KCNC2: variants seen among roughly 807,000 people sequenced by gnomAD.
The protein encoded by KCNC2 is potassium voltage-gated channel subfamily C member 2, also known as voltage-gated potassium channel KCNC2.
Under a neutral mutation model 44.5 loss-of-function variants are expected in KCNC2, and 21 were observed. The observed-to-expected ratio is 0.47, with a 90% CI of 0.33 to 0.68. The LOEUF (loss-of-function observed/expected upper bound fraction) is 0.68. KCNC2 is among the 30% of genes least tolerant of loss of function. The pLI is 0.01. For synonymous variants in KCNC2, 391 were observed against 339.1 expected (o/e 1.15, Z -1.68); for missense variants, 589 against 826.2 (o/e 0.71, Z 3.52).
At chr12:75,098,136 C>A (rs1886085955) in intron 2 of KCNC2, among the ~76,000 whole-genome samples, 1 of 151,920 alleles carries the variant, frequency 6.6e-6, no homozygotes. Flanking sequence ...AGATGCTGTT[C>A]TCGGCTAGAT....
rs1357831006 is a variant in KCNC2, at chr12:75,040,421, C to T, written c.*2684G>A. On this transcript the variant is annotated 3_prime_UTR_variant, in exon 5 of 5. Transcript: ENST00000549446. ...GAATATCTCTTTTATGCAAAATATA[C>T]ATTTTAGGATATAATTTAATTGATA... is the stretch of plus-strand genomic sequence containing the variant. 2 of 152,316 alleles carry T rather than the reference C, an allele frequency of 1.3e-5. No individual in the cohort carries two copies. The highest frequency in any genetic ancestry group is 2.9e-5 in the Non-Finnish European group (2 of 67,950). 9.4% of individuals were successfully genotyped at this position (152,316 alleles called of 1,614,324 possible).
At chr12:75,107,865 C>T (rs377332859) in intron 2 of KCNC2, among the ~76,000 whole-genome samples, 1 of 152,164 alleles carries the variant, frequency 6.6e-6, no homozygotes, top group Admixed American at 6.5e-5. Flanking sequence ...TCCAGACACT[C>T]TTACTTTCTG....
chr12:75,111,928 C>G lies in KCNC2; in HGVS notation c.688-60611G>C, dbSNP rs1887280987. ...AAATTCAATAATTTTTAAATATTCT[C>G]ATTGATTAAGAAAAGATATTCTATT... On this transcript the variant is annotated intron_variant, in intron 2 of 4. Transcript: ENST00000549446. Among the ~76,000 whole-genome samples the G allele has an allele frequency of 1.3e-5, 2 of 151,794 alleles. 1 individual carries two copies. Among genetic ancestry groups the G allele is most frequent in the South Asian group, 4.1e-4 (2 of 4,830 alleles).
intron 2 of KCNC2, among the ~76,000 whole-genome samples, chr12:75,084,309 T>TAGAC (rs1302076204): frequency 1.4e-5 from 2 of 146,236 alleles, no homozygotes; most frequent in African/African-American, 2.8e-5. Flanking sequence ...GATAGATAGA[T>TAGAC]AGATAGATAG....
At chr12:75,067,848 C>T (rs1259167350) in intron 2 of KCNC2, among the ~76,000 whole-genome samples, 2 of 151,920 alleles carry the variant, frequency 1.3e-5, no homozygotes, top group African/African-American at 4.8e-5. Context: ...TCTATTCCCC[C>T]ACTCCTTACA....
chr12:75,042,799 C>T lies in KCNC2; in HGVS notation c.*306G>A. The T allele has an allele frequency of 8.4e-7, 1 of 1,184,168 alleles. No individual in the cohort carries two copies. Among genetic ancestry groups the T allele is most frequent in the Non-Finnish European group, 1.0e-6 (1 of 955,624 alleles). 73.4% of individuals were successfully genotyped at this position (1,184,168 alleles called of 1,614,324 possible). ...GAAGCACACTGTTTTAAATATATCT[C>T]CCTGAAGGTATGTTTATATATTAGT... is the stretch of plus-strand genomic sequence containing the variant. On this transcript the variant is annotated 3_prime_UTR_variant, in exon 5 of 5. Coordinates refer to ENST00000549446, the MANE Select transcript of KCNC2 (RefSeq NM_139137.4).
At position 75,207,380 on chromosome 12, in the gene KCNC2, C is replaced by A; in HGVS notation, c.604G>T (p.Asp202Tyr). The change falls in exon 2 of 5, where the codon GAC becomes TAC. Residue 202 changes from aspartate to tyrosine, a missense_variant. This residue lies in a region of KCNC2 where 97 missense variants were observed against 73.3 expected (regional missense o/e 1.32). Transcript: ENST00000549446. The surrounding 1 kb of genome is among the most constrained non-coding windows in gnomAD (Gnocchi z 4.1). Reference protein sequence around the residue: ...IEDAAGLGGPDGKSGRWRRLQ... With the variant: ...IEDAAGLGGPYGKSGRWRRLQ... ...CTCCTCCAGCGGCCAGATTTGCCGT[C>A]GGGGCCCCCGAGCCCCGCCGCGTCC... 6.3e-7 allele frequency: 1 copy of A among 1,578,754 alleles called. No individual in the cohort carries two copies.
intron 1 of KCNC2, among the ~76,000 whole-genome samples, chr12:75,208,242 A>T (rs1332456800): frequency 6.6e-6 from 1 of 151,854 alleles, no homozygotes; most frequent in Non-Finnish European, 1.5e-5. Context: ...ACCTTTCATG[A>T]CACCGTTTTC....
At chr12:75,147,826 T>A (rs933854006) in intron 2 of KCNC2, among the ~76,000 whole-genome samples, 1 of 152,106 alleles carries the variant, frequency 6.6e-6, no homozygotes, top group Non-Finnish European at 1.5e-5. Context: ...TTCAGATATC[T>A]AAGGTACACA....
intron 2 of KCNC2, among the ~76,000 whole-genome samples, chr12:75,166,124 A>G (rs1196180076): frequency 1.3e-5 from 2 of 151,354 alleles, no homozygotes; most frequent in African/African-American, 2.4e-5. Flanking sequence ...TATGAATATC[A>G]GGCAAAATAG....
At chr12:75,161,468 T>C (rs1891120402) in intron 2 of KCNC2, among the ~76,000 whole-genome samples, 1 of 151,756 alleles carries the variant, frequency 6.6e-6, no homozygotes, top group African/African-American at 2.4e-5. Flanking sequence ...GAATTCACTT[T>C]ACCCAGCACC....
chr12:75,138,420 T>C (rs1338874680), intron 2 of KCNC2, among the ~76,000 whole-genome samples: 1 of 152,194 alleles, frequency 6.6e-6, no homozygotes, highest in Non-Finnish European at 1.5e-5. Flanking sequence ...AGACTACCTG[T>C]TTTCAGAATC....
At chr12:75,165,641 G>T (rs956126830) in intron 2 of KCNC2, among the ~76,000 whole-genome samples, 11 of 151,398 alleles carry the variant, frequency 7.3e-5, no homozygotes, top group African/African-American at 2.7e-4. Flanking sequence ...TCAAGATAAT[G>T]TTAAGTGTTA....
At chr12:75,196,585 C>G (rs1255117270) in intron 2 of KCNC2, among the ~76,000 whole-genome samples, 1 of 152,068 alleles carries the variant, frequency 6.6e-6, no homozygotes, top group Non-Finnish European at 1.5e-5. Flanking sequence ...GAGTCAGACA[C>G]TATTATTTTC....
At chr12:75,055,451 C>G (rs1565814517) in intron 2 of KCNC2, among the ~76,000 whole-genome samples, 1 of 152,020 alleles carries the variant, frequency 6.6e-6, no homozygotes, top group Non-Finnish European at 1.5e-5. Flanking sequence ...GGAAGAGAAT[C>G]ACACTGCCAT....
Position 75,041,230 on chromosome 12 carries a change from A to G in KCNC2, c.*1875T>C. The G allele has an allele frequency of 6.3e-7, 1 of 1,594,602 alleles. No individual in the cohort carries two copies. Among genetic ancestry groups the G allele is most frequent in the South Asian group, 1.1e-5 (1 of 90,914 alleles). On this transcript the variant is annotated 3_prime_UTR_variant, in exon 5 of 5. Coordinates refer to ENST00000549446, the MANE Select transcript of KCNC2 (RefSeq NM_139137.4). ...CACTGTAGTCAATAACAGCAGCACC[A>G]GACAGCATATTAATTCTTTTACCAT...
intron 4 of KCNC2, among the ~76,000 whole-genome samples, chr12:75,045,118 T>C (rs894526315): frequency 2.6e-5 from 4 of 151,968 alleles, no homozygotes; most frequent in Admixed American, 1.3e-4. Flanking sequence ...AACTAGACGA[T>C]AAACATTGAT....
At chr12:75,198,783 G>T (rs1176558270) in intron 2 of KCNC2, among the ~76,000 whole-genome samples, 1 of 151,650 alleles carries the variant, frequency 6.6e-6, no homozygotes, top group Admixed American at 6.6e-5. Flanking sequence ...TCTATAATTT[G>T]CAAGCATAGA....
intron 2 of KCNC2, among the ~76,000 whole-genome samples, chr12:75,167,726 A>T (rs1593012074): frequency 6.6e-6 from 1 of 151,394 alleles, no homozygotes; most frequent in Admixed American, 6.6e-5. Context: ...AAGTACAGCT[A>T]AGAAAGATTG....
Sources: gnomAD v4.1 joint callset for allele counts (sites outside exome capture counted in the v4.1 genomes callset) on GRCh38, gnomAD v4.1.1 for gene constraint, gnomAD v4.1.1 regional missense constraint, Gnocchi (gnomAD v3.1) non-coding constraint, MANE v1.5 for transcripts, NCBI Gene and HGNC (gene_info 2026-07-23, HGNC 2026-07-21) for gene names.